RBBP8: variants seen among roughly 807,000 people sequenced by gnomAD.
The protein encoded by RBBP8 is DNA endonuclease RBBP8.
A neutral mutation model predicts 108.3 loss-of-function variants in RBBP8; 88 were observed. The ratio of observed to expected loss-of-function variants is 0.81; its 90% confidence interval spans 0.68 to 0.97. The LOEUF (loss-of-function observed/expected upper bound fraction) is 0.97. Ranked by LOEUF, RBBP8 falls within the 50% of genes least tolerant of loss-of-function variation. The pLI, the probability that RBBP8 is intolerant of heterozygous loss-of-function variation, is 0.00. For missense variants in RBBP8, 1,023 were observed against 1,049.0 expected, an observed-to-expected ratio of 0.98 and a Z score of 0.34; for synonymous variants, 332 against 348.2, an observed-to-expected ratio of 0.95 and a Z score of 0.52.
rs187886086 is a variant in RBBP8, at chr18:22,988,633, A to G, written c.710-588A>G. Among the ~76,000 whole-genome samples, 619 of 152,274 alleles carry G rather than the reference A, an allele frequency of 4.1e-3. 5 individuals are homozygous for G. The highest frequency in any genetic ancestry group is 0.017 in the Middle Eastern group (5 of 294). On this transcript the variant is annotated intron_variant, in intron 8 of 18. Coordinates refer to ENST00000327155, the MANE Select transcript of RBBP8 (RefSeq NM_002894.3). ...TTTATTATAATGTTTATCACATTCT[A>G]TTGCAGTTCTCTTTTTACCTTTCAA...
chr18:22,953,838 TCA>T (rs1275212218), intron 4 of RBBP8, among the ~76,000 whole-genome samples: 2 of 152,090 alleles, frequency 1.3e-5, no homozygotes, highest in African/African-American at 4.8e-5. Context: ...TTTAGTTGAC[TCA>T]CAGTTCTGCA....
chr18:22,994,515 G>A (rs1356412482), intron 12 of RBBP8, among the ~76,000 whole-genome samples: 7 of 149,012 alleles, frequency 4.7e-5, no homozygotes, highest in South Asian at 2.1e-4. Context: ...GGTGGCAGGC[G>A]CCTGTAGTCC....
At chr18:23,020,352 C>G (rs1170922994) in intron 17 of RBBP8, among the ~76,000 whole-genome samples, 2 of 151,920 alleles carry the variant, frequency 1.3e-5, no homozygotes, top group African/African-American at 4.8e-5. Flanking sequence ...ACCCAGGAGG[C>G]AGAGGTTGCA....
intron 16 of RBBP8, among the ~76,000 whole-genome samples, chr18:23,009,472 T>G (rs994207147): frequency 6.6e-6 from 1 of 150,694 alleles, no homozygotes; most frequent in Non-Finnish European, 1.5e-5. Flanking sequence ...AGGAATTGGG[T>G]TTTTTTCTTT....
In RBBP8 at chr18:22,984,868, A is replaced by AT. The variant is rs772274835; in HGVS notation, c.605-11dup. 2.0e-5 allele frequency: 29 copies of AT among 1,420,964 alleles called. No homozygotes were observed. The African/African-American group carries it at 3.1e-4, about 15-fold the overall frequency. The allele number at this position is 1,420,964 out of a possible 1,614,324, so 88.0% of individuals were successfully genotyped here. ...ATCATTGTTTATTGTGTAATCTCTT[A>AT]TTTTTTTCTCCCCTTAGAAATGAGA... On this transcript the variant is annotated splice_polypyrimidine_tract_variant and intron_variant, in intron 7 of 18. Transcript: ENST00000327155.
chr18:22,999,699 G>T (rs2045915544), intron 14 of RBBP8, among the ~76,000 whole-genome samples: 1 of 151,348 alleles, frequency 6.6e-6, no homozygotes, highest in African/African-American at 2.4e-5. Flanking sequence ...ACTTAGAATT[G>T]GTTTAAAATG....
At chr18:23,001,523 A>G (rs1197642462) in intron 14 of RBBP8, 63 bp from the exon 15 acceptor site, 2 of 1,583,068 alleles carry the variant, frequency 1.3e-6, no homozygotes, top group African/African-American at 1.3e-5. Context: ...CTACAGTTTC[A>G]TGATGGTCTA....
chr18:22,980,115 G>A (rs1482107851), intron 6 of RBBP8, among the ~76,000 whole-genome samples: 1 of 152,012 alleles, frequency 6.6e-6, no homozygotes, highest in East Asian at 1.9e-4. Flanking sequence ...GCATGGTGTT[G>A]CACGCTTGTA....
At chr18:22,986,942 C>A (rs555659334) in intron 8 of RBBP8, among the ~76,000 whole-genome samples, 34 of 152,306 alleles carry the variant, frequency 2.2e-4, no homozygotes, top group African/African-American at 7.9e-4. Flanking sequence ...CTGCTGCTGC[C>A]AGGTCTTTGC....
intron 9 of RBBP8, among the ~76,000 whole-genome samples, chr18:22,990,297 G>T (rs9963069): frequency 0.99 from 150,474 of 152,286 alleles, 74,369 homozygotes; most frequent in East Asian, 1. Context: ...AACTTGCATT[G>T]TAACAAAATC....
intron 2 of RBBP8, among the ~76,000 whole-genome samples, chr18:22,944,892 G>A (rs1911419726): frequency 6.6e-6 from 1 of 151,990 alleles, no homozygotes; most frequent in South Asian, 2.1e-4. Context: ...GAAATGTATA[G>A]GTTTGTTTTT....
chr18:22,926,949 C>T (rs953285235), intron 3 of RBBP8, among the ~76,000 whole-genome samples: 7 of 152,192 alleles, frequency 4.6e-5, no homozygotes, highest in Admixed American at 2.0e-4. Context: ...GCACCATCAA[C>T]TCAAATCATA....
chr18:22,998,650 G>A (rs1396475002), intron 14 of RBBP8, among the ~76,000 whole-genome samples: 2 of 152,238 alleles, frequency 1.3e-5, no homozygotes, highest in Admixed American at 1.3e-4. Flanking sequence ...TTGAGGCTGG[G>A]TGTGCATTCC....
intron 6 of RBBP8, among the ~76,000 whole-genome samples, chr18:22,979,721 A>G (rs1041353077): frequency 6.6e-6 from 1 of 152,250 alleles, no homozygotes; most frequent in Non-Finnish European, 1.5e-5. Context: ...ATTCAATTCA[A>G]ACCCAATCTT....
Position 22,936,921 on chromosome 18 carries a change from T to C in RBBP8, c.70T>C (p.Trp24Arg), listed in dbSNP as rs887025370. Residue 24 changes from tryptophan to arginine, a missense_variant, in exon 2 of 19, where the codon TGG (tryptophan) becomes CGG (arginine). Physicochemically the swap from Trp to Arg is moderately radical, Grantham distance 101. Transcript: ENST00000327155. ...ADTSSDFKDL[W>R]TKLKECHDRE... The stretch of plus-strand genomic sequence containing the variant: ...TACATCTAGTGACTTTAAGGACCTT[T>C]GGACAAAACTAAAAGAATGTCATGA... The C allele has an allele frequency of 1.9e-6, 3 of 1,614,068 alleles. No individual in the cohort carries two copies. In the African/African-American group the frequency reaches 4.0e-5, roughly 22 times the overall value.
chr18:22,991,335 C>T (rs1335263216), intron 10 of RBBP8, among the ~76,000 whole-genome samples: 1 of 152,162 alleles, frequency 6.6e-6, no homozygotes, highest in Admixed American at 6.5e-5. Flanking sequence ...GTCATCCCTT[C>T]GGGGTTTATA....
chr18:23,025,549 C>T (rs1247209758), intron 18 of RBBP8, among the ~76,000 whole-genome samples: 4 of 152,178 alleles, frequency 2.6e-5, no homozygotes, highest in Non-Finnish European at 5.9e-5. Context: ...ATGCGTATGG[C>T]AGAGCAAATA....
At position 22,949,704 on chromosome 18, in the gene RBBP8, T is replaced by C. The variant is rs765967580; in HGVS notation, c.239T>C (p.Leu80Ser). Reference protein sequence around the residue: ...QKVLHETIKVLEDRLRAGLCD... With the variant: ...QKVLHETIKVSEDRLRAGLCD... ...GTCCTTCATGAAACCATTAAAGTTTTAGAAGATCGGTGAGTCTGGCACTTA... is the reference window on the plus strand; with the variant it reads ...GTCCTTCATGAAACCATTAAAGTTTCAGAAGATCGGTGAGTCTGGCACTTA... The change falls in exon 4 of 19, where the codon TTA (leucine) becomes TCA (serine). Residue 80 changes from leucine (L) to serine (S), a missense_variant. Transcript: ENST00000327155. The C allele has an allele frequency of 1.9e-6, 3 of 1,610,268 alleles. No individual in the cohort carries two copies. Among genetic ancestry groups the C allele is most frequent in the Non-Finnish European group, 2.5e-6 (3 of 1,176,662 alleles).
intron 16 of RBBP8, among the ~76,000 whole-genome samples, chr18:23,007,699 G>GAAA (rs367964120): frequency 2.7e-5 from 3 of 112,518 alleles, no homozygotes; most frequent in Admixed American, 9.1e-5. Flanking sequence ...CTCCGTCTCA[G>GAAA]AAAAAAAAAA....
Sources: gnomAD v4.1 joint callset for allele counts (sites outside exome capture counted in the v4.1 genomes callset) on GRCh38, gnomAD v4.1.1 for gene constraint, MANE v1.5 for transcripts, NCBI Gene and HGNC (gene_info 2026-07-23, HGNC 2026-07-21) for gene names.